GIMAP8: variants seen among roughly 807,000 people sequenced by gnomAD.
GIMAP8 encodes GTPase IMAP family member 8.
In GIMAP8, 29 loss-of-function variants were observed where a neutral mutation model predicts 35.6. The observed-to-expected ratio is 0.81, with a 90% confidence interval of 0.61 to 1.11. The LOEUF is 1.11. Ranked by LOEUF, GIMAP8 falls within the 50% of genes most tolerant of loss-of-function variation. The pLI is 0.00. For synonymous variants in GIMAP8, 335 were observed against 308.7 expected (o/e 1.09, Z -0.89); for missense variants, 811 against 805.0 (o/e 1.01, Z -0.09).
intron 1 of GIMAP8, among the ~76,000 whole-genome samples, chr7:150,457,490 T>A (rs906493842): frequency 1.3e-5 from 2 of 152,234 alleles, no homozygotes. Flanking sequence ...TAAAATTTAG[T>A]GTTTTTGTGT....
intron 1 of GIMAP8, among the ~76,000 whole-genome samples, chr7:150,456,317 C>A (rs538113876): frequency 6.6e-6 from 1 of 152,314 alleles, no homozygotes; most frequent in South Asian, 2.1e-4. Flanking sequence ...CAATATGGTC[C>A]TTCTGCAGGT....
chr7:150,468,403 C>G (rs1320819176), intron 2 of GIMAP8, among the ~76,000 whole-genome samples: 2 of 152,160 alleles, frequency 1.3e-5, no homozygotes, highest in Non-Finnish European at 2.9e-5. Context: ...AAACAAAGCA[C>G]TCCTGGCTGA....
At chr7:150,453,741 T>A (rs1043321974) in intron 1 of GIMAP8, among the ~76,000 whole-genome samples, 4 of 151,528 alleles carry the variant, frequency 2.6e-5, no homozygotes, top group Admixed American at 1.3e-4. Flanking sequence ...GGTGGCAGAC[T>A]AAAAAGCACT....
chr7:150,467,464 T>A (rs1801994602), intron 2 of GIMAP8, 130 bp downstream of exon 2: 1 of 751,820 alleles, frequency 1.3e-6, no homozygotes, highest in Non-Finnish European at 2.1e-6. Flanking sequence ...TATTTATATA[T>A]AATTTGCAGG....
At chr7:150,470,615 G>A (rs1388940235) in intron 2 of GIMAP8, among the ~76,000 whole-genome samples, 2 of 152,094 alleles carry the variant, frequency 1.3e-5, no homozygotes. Flanking sequence ...ACCAGTCCTA[G>A]CAGCATCAGG....
At chr7:150,466,511 G>A (rs1361485760) in intron 1 of GIMAP8, among the ~76,000 whole-genome samples, 160 bp from the exon 2 acceptor site, 1 of 152,164 alleles carries the variant, frequency 6.6e-6, no homozygotes, top group Admixed American at 6.5e-5. Context: ...GAAGATCCTG[G>A]GAAAGTGTTT....
intron 2 of GIMAP8, 59 bp from the exon 3 acceptor site, chr7:150,470,765 TTTTCA>T (rs1802071150): frequency 1.5e-3 from 1,125 of 735,454 alleles, no homozygotes; most frequent in East Asian, 3.4e-3. Context: ...TTTTTTTTTT[TTTTCA>T]GTTTGTGGAA....
intron 1 of GIMAP8, among the ~76,000 whole-genome samples, chr7:150,463,418 T>C (rs1011392548): frequency 2.0e-5 from 3 of 152,240 alleles, no homozygotes; most frequent in Admixed American, 6.5e-5. Flanking sequence ...TGCTTTTTAA[T>C]GTTTCTTGTG....
Position 150,477,572 on chromosome 7 carries a change from G to A in GIMAP8, c.1790G>A (p.Arg597Gln), listed in dbSNP as rs1479767342. 6.2e-6 allele frequency: 10 copies of A among 1,614,170 alleles called. No homozygotes were observed. The highest frequency in any genetic ancestry group is 8.5e-6 in the Non-Finnish European group (10 of 1,180,024). ...LRRIFKKCGRRVCAFNNKETG... is the reference protein window; with the variant it reads ...LRRIFKKCGRQVCAFNNKETG... ...CGCATTTTTAAAAAGTGTGGGCGGCGAGTTTGTGCTTTTAACAACAAAGAA... is the reference window on the plus strand; with the variant it reads ...CGCATTTTTAAAAAGTGTGGGCGGCAAGTTTGTGCTTTTAACAACAAAGAA... The change falls in exon 5 of 5, where the codon CGA becomes CAA. Residue 597 changes from arginine (R) to glutamine (Q), a missense_variant. Coordinates refer to ENST00000307271, the MANE Select transcript of GIMAP8 (RefSeq NM_175571.4).
chr7:150,462,610 A>G (rs1016444703), intron 1 of GIMAP8, among the ~76,000 whole-genome samples: 2 of 152,166 alleles, frequency 1.3e-5, no homozygotes, highest in Non-Finnish European at 2.9e-5. Flanking sequence ...GTTGCTGTGT[A>G]TAGTATTCTT....
intron 1 of GIMAP8, among the ~76,000 whole-genome samples, chr7:150,459,465 C>T (rs1409944620): frequency 1.3e-5 from 2 of 152,170 alleles, no homozygotes; most frequent in African/African-American, 2.4e-5. Context: ...GCTAGTGGGT[C>T]ACTAGGAGTA....
At position 150,477,204 on chromosome 7, in the gene GIMAP8, C is replaced by T; in HGVS notation, c.1422C>T (p.Thr474=). 1 of 1,614,118 alleles carries T rather than the reference C, an allele frequency of 6.2e-7. No homozygotes were observed. Among genetic ancestry groups the T allele is most frequent in the Non-Finnish European group, 8.5e-7 (1 of 1,180,024 alleles). ...CTCGGCTCCGGGCCCAGCCAGTCAC[C>T]AAGACCAGCCAGAGTGGCAGGAGGA... The part of the protein sequence containing the change: ...FTSRLRAQPV[T]KTSQSGRRTW... Residue 474 remains threonine (T), a synonymous_variant, in exon 5 of 5, where the codon ACC becomes ACT. Coordinates refer to ENST00000307271, the MANE Select transcript of GIMAP8 (RefSeq NM_175571.4).
chr7:150,459,382 G>A (rs1284471186), intron 1 of GIMAP8, among the ~76,000 whole-genome samples: 1 of 152,162 alleles, frequency 6.6e-6, no homozygotes. Context: ...ATCTCCAAGT[G>A]GAAGCATTTC....
In GIMAP8 at chr7:150,477,344, G is replaced by T. The variant is rs760632183; in HGVS notation, c.1562G>T (p.Cys521Phe). ...GAGGTCAAGCGCTGTTTGTCCTGCT[G>T]TGAAAAAGGGGACACATTTTTTGTC... ...EEEVKRCLSC[C>F]EKGDTFFVLV... Residue 521 changes from cysteine (C) to phenylalanine (F), a missense_variant, in exon 5 of 5, where the codon TGT (cysteine) becomes TTT (phenylalanine). Cys to Phe is a radical substitution (Grantham distance 205, BLOSUM62 -2). Coordinates refer to ENST00000307271, the MANE Select transcript of GIMAP8 (RefSeq NM_175571.4). 1.2e-6 allele frequency: 2 copies of T among 1,614,218 alleles called. No homozygotes were observed. The highest frequency in any genetic ancestry group is 2.2e-5 in the South Asian group (2 of 91,086).
At chr7:150,452,647 G>A (rs1234983571) in intron 1 of GIMAP8, among the ~76,000 whole-genome samples, 1 of 135,846 alleles carries the variant, frequency 7.4e-6, no homozygotes, top group African/African-American at 2.8e-5. Context: ...ATATATATGT[G>A]TGTATATGTG....
intron 1 of GIMAP8, among the ~76,000 whole-genome samples, chr7:150,457,196 CT>C (rs1801747429): frequency 6.6e-6 from 1 of 152,260 alleles, no homozygotes; most frequent in African/African-American, 2.4e-5. Flanking sequence ...GGCTTGTTAT[CT>C]GCAGCAGGAA....
intron 3 of GIMAP8, among the ~76,000 whole-genome samples, chr7:150,471,131 GT>G (rs1172982626): frequency 6.6e-6 from 1 of 152,202 alleles, no homozygotes; most frequent in Non-Finnish European, 1.5e-5. Context: ...CTTGCCTCTT[GT>G]GTCTTCTTTC....
chr7:150,467,929 A>C (rs775170225), intron 2 of GIMAP8, among the ~76,000 whole-genome samples: 5 of 152,074 alleles, frequency 3.3e-5, no homozygotes, highest in South Asian at 2.1e-4. Flanking sequence ...TGTCTCTCTT[A>C]TACTTTCTCA....
chr7:150,467,344 T>C lies in GIMAP8; in HGVS notation c.636+10T>C, dbSNP rs753620580. On this transcript the variant is annotated intron_variant, in intron 2 of 4. Coordinates refer to ENST00000307271, the MANE Select transcript of GIMAP8 (RefSeq NM_175571.4). ...AGGCAGCAGGTTTCAAGTAAGAATT[T>C]TGTTAATATCTTGAAAGATCTCTAT... 1.9e-6 allele frequency: 3 copies of C among 1,603,544 alleles called. No homozygotes were observed. In the African/African-American group the frequency reaches 4.0e-5, roughly 22 times the overall value.
Sources: allele counts gnomAD v4.1 joint callset (sites outside exome capture counted in the v4.1 genomes callset), GRCh38; gene constraint gnomAD v4.1.1; transcripts MANE v1.5; gene names NCBI Gene and HGNC (gene_info 2026-07-23, HGNC 2026-07-21).